Variants in ZDHHC11B observed in about 807,000 individuals in gnomAD.
The protein encoded by ZDHHC11B is probable palmitoyltransferase ZDHHC11B.
ZDHHC11B carries 17 observed loss-of-function variants against 42.3 expected under a neutral mutation model. The observed-to-expected ratio is 0.40, with a 90% CI of 0.27 to 0.60. ZDHHC11B has a LOEUF of 0.60. Among genes scored for constraint, ZDHHC11B ranks in the 20% least tolerant of loss-of-function variants. ZDHHC11B has a pLI of 0.41. For synonymous variants in ZDHHC11B, 123 were observed against 193.5 expected, an observed-to-expected ratio of 0.64 and a Z score of 3.02; for missense variants, 262 against 463.2, an observed-to-expected ratio of 0.57 and a Z score of 3.99.
At position 767,477 on chromosome 5, in the gene ZDHHC11B, AATT is replaced by A. The variant is rs1735616005; in HGVS notation, c.-89_-87del. 1.3e-6 allele frequency: 2 copies of A among 1,534,452 alleles called. No individual in the cohort carries two copies. Among genetic ancestry groups the A allele is most frequent in the Non-Finnish European group, 1.8e-6 (2 of 1,116,946 alleles). Reference sequence around the variant, plus strand: ...TCCGACTTCAAGTCGCCAAATGCTGAATTATTCTGCATCGAAAGCGCAGTAGTG... The same window carrying A: ...TCCGACTTCAAGTCGCCAAATGCTGAATTCTGCATCGAAAGCGCAGTAGTG... On this transcript the variant is annotated 5_prime_UTR_variant, in exon 3 of 14. Coordinates refer to ENST00000508859, the MANE Select transcript of ZDHHC11B (RefSeq NM_001351303.2).
At chr5:772,975 G>A (rs1736179268) in intron 1 of ZDHHC11B, among the ~76,000 whole-genome samples, 1 of 151,940 alleles carries the variant, frequency 6.6e-6, no homozygotes, top group South Asian at 2.1e-4. Context: ...TAGGCACGAT[G>A]TGCCGCTGTG....
chr5:769,997 G>T (rs1561195844), intron 1 of ZDHHC11B, among the ~76,000 whole-genome samples: 1 of 151,898 alleles, frequency 6.6e-6, no homozygotes, highest in Non-Finnish European at 1.5e-5. Context: ...ACCACTCGGT[G>T]CACATGTCCT....
At chr5:724,371 A>ATTTTT (rs386402805) in intron 12 of ZDHHC11B, among the ~76,000 whole-genome samples, 12,639 of 81,202 alleles carry the variant, frequency 0.16, 1,092 homozygotes, top group Non-Finnish European at 0.22. Context: ...AACCCAGCTA[A>ATTTTT]TTTTTTTTTT....
intron 4 of ZDHHC11B, among the ~76,000 whole-genome samples, chr5:761,869 A>T (rs1385483020): frequency 6.6e-6 from 1 of 151,758 alleles, no homozygotes; most frequent in Non-Finnish European, 1.5e-5. Context: ...CCAGACAGCC[A>T]CCCCTAGCCC....
intron 12 of ZDHHC11B, among the ~76,000 whole-genome samples, chr5:718,458 G>A (rs1366287397): frequency 2.0e-5 from 3 of 151,694 alleles, no homozygotes; most frequent in Non-Finnish European, 2.9e-5. Flanking sequence ...TGGATCACGA[G>A]GTCAGGAGAT....
intron 1 of ZDHHC11B, among the ~76,000 whole-genome samples, chr5:775,494 G>A (rs796281290): frequency 6.7e-6 from 1 of 149,428 alleles, no homozygotes; most frequent in African/African-American, 2.5e-5. Flanking sequence ...CCTTGGGAAG[G>A]GACCAGGCTG....
intron 1 of ZDHHC11B, among the ~76,000 whole-genome samples, chr5:773,245 T>G (rs1736201526): frequency 6.6e-6 from 1 of 151,926 alleles, no homozygotes; most frequent in East Asian, 1.9e-4. Flanking sequence ...TGCTTCTCCT[T>G]GGATGGGCAG....
intron 12 of ZDHHC11B, among the ~76,000 whole-genome samples, chr5:722,654 A>G (rs2126972188): frequency 6.6e-6 from 1 of 151,838 alleles, no homozygotes; most frequent in South Asian, 2.1e-4. Flanking sequence ...CACCACTAGG[A>G]ATAGCCCCTG....
intron 1 of ZDHHC11B, among the ~76,000 whole-genome samples, chr5:773,666 C>T (rs1212575202): frequency 6.6e-6 from 1 of 151,878 alleles, no homozygotes; most frequent in African/African-American, 2.4e-5. Context: ...AGCCCTGCCC[C>T]GACCCAGGTG....
rs1477254117 is a variant in ZDHHC11B, at chr5:729,435, C to T, written c.1058+999G>A. Among the ~76,000 whole-genome samples the T allele has an allele frequency of 9.3e-5, 14 of 150,650 alleles. No individual in the cohort carries two copies. The South Asian group carries it at 1.5e-3, about 16-fold the overall frequency. ...GGGGCGGGGGCTTCCCCTGTGGGGC[C>T]GGCTGGGACTCCCTGCAGTGATGGG... On this transcript the variant is annotated intron_variant, in intron 12 of 13. Coordinates refer to ENST00000508859, the MANE Select transcript of ZDHHC11B (RefSeq NM_001351303.2).
rs372897244 is a variant in ZDHHC11B at position 748,925 on chromosome 5, C to T, written c.629-366G>A. On this transcript the variant is annotated intron_variant, in intron 7 of 13. Coordinates refer to ENST00000508859, the MANE Select transcript of ZDHHC11B (RefSeq NM_001351303.2). ...TAAGTGCTGGGGTCACAGCGCCCAC[C>T]CCTTCCTCACTAAGTGCCGGGGTCA... 5.5e-3 allele frequency among the ~76,000 whole-genome samples: 483 copies of T among 88,088 alleles called. 3 individuals are homozygous for T. Among genetic ancestry groups the T allele is most frequent in the East Asian group, 0.03 (40 of 1,354 alleles). 57.8% of individuals were successfully genotyped at this position (88,088 alleles called of 152,430 possible). A position where few individuals can be genotyped will look rare whatever the true frequency, so the allele number is the denominator to read the frequency against.
At chr5:763,788 A>T (rs530642771) in intron 4 of ZDHHC11B, among the ~76,000 whole-genome samples, 1 of 152,030 alleles carries the variant, frequency 6.6e-6, no homozygotes, top group Admixed American at 6.6e-5. Context: ...AGTGAGATAA[A>T]GCATGGTGTT....
chr5:751,503 A>AGG (rs1745731810), intron 6 of ZDHHC11B, among the ~76,000 whole-genome samples: 2 of 20,390 alleles, frequency 9.8e-5, no homozygotes, highest in Admixed American at 7.9e-4. Context: ...TGGGGGGTGC[A>AGG]GAGGCAGGGG....
chr5:718,167 G>A (rs1443785177), intron 12 of ZDHHC11B, among the ~76,000 whole-genome samples: 1 of 151,834 alleles, frequency 6.6e-6, no homozygotes, highest in African/African-American at 2.4e-5. Flanking sequence ...ACAGGTTGGT[G>A]GGGAAGAATG....
chr5:727,276 A>G (rs1350769461), intron 12 of ZDHHC11B, among the ~76,000 whole-genome samples: 2 of 128,386 alleles, frequency 1.6e-5, no homozygotes, highest in Non-Finnish European at 3.6e-5. Flanking sequence ...AGAGCAAGGC[A>G]GGAACTTCCA....
chr5:765,762 G>A (rs1465078213), intron 4 of ZDHHC11B, among the ~76,000 whole-genome samples: 1 of 151,880 alleles, frequency 6.6e-6, no homozygotes, highest in Non-Finnish European at 1.5e-5. Context: ...CAAACCACCA[G>A]AAGGAAGAAA....
At chr5:760,066 G>T (rs1224687363) in intron 4 of ZDHHC11B, among the ~76,000 whole-genome samples, 2 of 151,838 alleles carry the variant, frequency 1.3e-5, no homozygotes, top group Admixed American at 1.3e-4. Flanking sequence ...GGTGTGGAGT[G>T]GGGGGTACAG....
chr5:773,716 C>T (rs561927932), intron 1 of ZDHHC11B, among the ~76,000 whole-genome samples: 6 of 151,956 alleles, frequency 3.9e-5, no homozygotes, highest in African/African-American at 9.7e-5. Flanking sequence ...CCAAACCCCA[C>T]GGGAGCCCAA....
chr5:759,336 G>C (rs1734277603), intron 4 of ZDHHC11B, among the ~76,000 whole-genome samples: 1 of 151,914 alleles, frequency 6.6e-6, no homozygotes, highest in Non-Finnish European at 1.5e-5. Context: ...TGGAGAGCGA[G>C]CCCACAGCCC....
Sources: gnomAD v4.1 joint callset for allele counts (sites outside exome capture counted in the v4.1 genomes callset) on GRCh38, gnomAD v4.1.1 for gene constraint, MANE v1.5 for transcripts, NCBI Gene and HGNC (gene_info 2026-07-23, HGNC 2026-07-21) for gene names.